ISX: variants seen among roughly 807,000 people sequenced by gnomAD.
The protein encoded by ISX is intestine-specific homeobox.
A neutral mutation model predicts 16.9 loss-of-function variants in ISX; 15 were observed. The observed-to-expected ratio is 0.89, with a 90% CI of 0.59 to 1.36. The LOEUF (loss-of-function observed/expected upper bound fraction) is 1.36. Among genes scored for constraint, ISX ranks in the 40% most tolerant of loss-of-function variants. The pLI is 0.00. For synonymous variants in ISX, 125 were observed against 119.7 expected (o/e 1.04, Z -0.29); for missense variants, 316 against 306.1 (o/e 1.03, Z -0.24).
intron 2 of ISX, among the ~76,000 whole-genome samples, chr22:35,070,653 G>T (rs1163238557): frequency 6.6e-6 from 1 of 152,206 alleles, no homozygotes; most frequent in African/African-American, 2.4e-5. Flanking sequence ...GGGCCAGGCT[G>T]GGGGCTGGGG....
chr22:35,078,584 G>T (rs563397457), intron 2 of ISX, among the ~76,000 whole-genome samples: 1 of 152,326 alleles, frequency 6.6e-6, no homozygotes, highest in South Asian at 2.1e-4. Context: ...ACTCACTCTA[G>T]TGGGGAGTAA....
intron 2 of ISX, 70 bp downstream of exon 2, chr22:35,067,386 A>C (rs750681347): frequency 9.0e-7 from 1 of 1,114,052 alleles, no homozygotes; most frequent in Non-Finnish European, 1.3e-6. Flanking sequence ...GGCAGAGAAA[A>C]AGCTTCTCCG....
At chr22:35,074,576 G>T (rs1928934275) in intron 2 of ISX, among the ~76,000 whole-genome samples, 1 of 152,206 alleles carries the variant, frequency 6.6e-6, no homozygotes, top group African/African-American at 2.4e-5. Flanking sequence ...TGTTTGCAAA[G>T]CCCTGTGGCT....
chr22:35,086,848 C>T lies in ISX; in HGVS notation c.*1155C>T, dbSNP rs1929268117. On this transcript the variant is annotated 3_prime_UTR_variant, in exon 5 of 5. Coordinates refer to ENST00000404699, the MANE Select transcript of ISX (RefSeq NM_001303508.2). ...CTGCACAGATGTCTCTGATTCTTGT[C>T]CTTGCAGGTGGAGGACAGGGCCTGC... The T allele has an allele frequency of 6.6e-6, 1 of 152,232 alleles. No individual in the cohort carries two copies. The highest frequency in any genetic ancestry group is 2.4e-5 in the African/African-American group (1 of 41,450). 9.4% of individuals were successfully genotyped at this position (152,232 alleles called of 1,614,324 possible).
At chr22:35,082,040 C>T (rs1315049484) in intron 2 of ISX, among the ~76,000 whole-genome samples, 1 of 152,204 alleles carries the variant, frequency 6.6e-6, no homozygotes, top group Non-Finnish European at 1.5e-5. Flanking sequence ...CTATGAAGAA[C>T]CAGCTGGTAA....
rs555522044 is a variant in ISX at position 35,086,142 on chromosome 22, A to G, written c.*449A>G. On this transcript the variant is annotated 3_prime_UTR_variant, in exon 5 of 5. Coordinates refer to ENST00000404699, the MANE Select transcript of ISX (RefSeq NM_001303508.2). ...CCAAGGAGAGGTTGTTTGTTCATGC[A>G]TGCATTCATCCGTGACACATGAGTA... The G allele has an allele frequency of 1.2e-5, 3 of 253,064 alleles. No individual in the cohort carries two copies. In the East Asian group the frequency reaches 3.0e-4, roughly 25 times the overall value. 15.7% of individuals were successfully genotyped at this position (253,064 alleles called of 1,614,324 possible).
chr22:35,075,943 A>T (rs909865102), intron 2 of ISX, among the ~76,000 whole-genome samples: 1 of 152,222 alleles, frequency 6.6e-6, no homozygotes, highest in Non-Finnish European at 1.5e-5. Context: ...ACAGATAAAA[A>T]GGTAAAAGAA....
intron 2 of ISX, among the ~76,000 whole-genome samples, chr22:35,073,664 G>T (rs557066976): frequency 1.3e-5 from 2 of 152,176 alleles, no homozygotes; most frequent in African/African-American, 4.8e-5. Context: ...AGAAGCTGTG[G>T]TCGGTCTGTA....
chr22:35,071,057 C>T (rs955229029), intron 2 of ISX, among the ~76,000 whole-genome samples: 17 of 152,222 alleles, frequency 1.1e-4, no homozygotes, highest in African/African-American at 4.1e-4. Context: ...GACCCTGACA[C>T]ATTAGTGTGG....
chr22:35,074,810 C>A (rs1008264841), intron 2 of ISX, among the ~76,000 whole-genome samples: 1 of 152,162 alleles, frequency 6.6e-6, no homozygotes, highest in Non-Finnish European at 1.5e-5. Context: ...TATTCCCCTG[C>A]ATCAACACAG....
chr22:35,085,901 A>G lies in ISX; in HGVS notation c.*208A>G, dbSNP rs1388895324. 1 of 610,822 alleles carries G rather than the reference A, an allele frequency of 1.6e-6. No homozygotes were observed. The highest frequency in any genetic ancestry group is 2.9e-6 in the Non-Finnish European group (1 of 349,754). 37.8% of individuals were successfully genotyped at this position (610,822 alleles called of 1,614,324 possible). On this transcript the variant is annotated 3_prime_UTR_variant, in exon 5 of 5. Coordinates refer to ENST00000404699, the MANE Select transcript of ISX (RefSeq NM_001303508.2). ...AGGACAGCTCTCTTCTCTCCTGGCT[A>G]AAGCTGCTCTCCTGGTTCAGAAGAC... is the stretch of plus-strand genomic sequence containing the variant.
At chr22:35,079,370 G>C (rs11705067) in intron 2 of ISX, among the ~76,000 whole-genome samples, 11,995 of 152,182 alleles carry the variant, frequency 0.079, 508 homozygotes, top group Middle Eastern at 0.14. Flanking sequence ...GACGAATCCT[G>C]TGGAAGTCTT....
chr22:35,078,000 C>T (rs975257250), intron 2 of ISX, among the ~76,000 whole-genome samples: 4 of 152,130 alleles, frequency 2.6e-5, no homozygotes, highest in African/African-American at 9.7e-5. Flanking sequence ...TTCGTTATGA[C>T]CCGTCTTCTG....
chr22:35,082,349 G>C (rs1005591037), intron 2 of ISX, among the ~76,000 whole-genome samples, 169 bp from the exon 3 acceptor site: 1 of 152,220 alleles, frequency 6.6e-6, no homozygotes, highest in Non-Finnish European at 1.5e-5. Flanking sequence ...TCGGTCTAGA[G>C]GCAGAGGATT....
intron 2 of ISX, among the ~76,000 whole-genome samples, chr22:35,070,550 G>A (rs1357428300): frequency 2.0e-5 from 3 of 152,246 alleles, no homozygotes; most frequent in Non-Finnish European, 4.4e-5. Flanking sequence ...AAACCAGTAT[G>A]GACTGCCTGG....
chr22:35,085,870 C>A lies in ISX; in HGVS notation c.*177C>A. 1.5e-6 allele frequency: 1 copy of A among 681,276 alleles called. No individual in the cohort carries two copies. The highest frequency in any genetic ancestry group is 2.5e-6 in the Non-Finnish European group (1 of 402,044). 42.2% of individuals were successfully genotyped at this position (681,276 alleles called of 1,614,324 possible). ...GCACCAGACTCAAAAGCAAACTAAA[C>A]AATAAAGGACAGCTCTCTTCTCTCC... is the stretch of plus-strand genomic sequence containing the variant. On this transcript the variant is annotated 3_prime_UTR_variant, in exon 5 of 5. Coordinates refer to ENST00000404699, the MANE Select transcript of ISX (RefSeq NM_001303508.2).
At chr22:35,077,887 G>A (rs8142223) in intron 2 of ISX, among the ~76,000 whole-genome samples, 63,107 of 151,968 alleles carry the variant, frequency 0.42, 13,965 homozygotes, top group Non-Finnish European at 0.5. Context: ...GGTTACACAA[G>A]TGGAAGCTTT....
intron 2 of ISX, among the ~76,000 whole-genome samples, chr22:35,080,457 T>C (rs1293081550): frequency 2.0e-5 from 3 of 151,686 alleles, no homozygotes; most frequent in Admixed American, 6.6e-5. Flanking sequence ...CACACACACA[T>C]CTTTTGCTCA....
Position 35,086,060 on chromosome 22 carries a change from C to T in ISX, c.*367C>T. On this transcript the variant is annotated 3_prime_UTR_variant, in exon 5 of 5. Coordinates refer to ENST00000404699, the MANE Select transcript of ISX (RefSeq NM_001303508.2). ...GGACCTCATCTGTAAGAGGAGCCAG[C>T]TGGATAAGATGATTTCTGAAGACGC... The T allele has an allele frequency of 3.1e-6, 1 of 323,850 alleles. No individual in the cohort carries two copies. The highest frequency in any genetic ancestry group is 5.9e-6 in the Non-Finnish European group (1 of 169,004). 20.1% of individuals were successfully genotyped at this position (323,850 alleles called of 1,614,324 possible).
Sources: allele counts gnomAD v4.1 joint callset (sites outside exome capture counted in the v4.1 genomes callset), GRCh38; gene constraint gnomAD v4.1.1; transcripts MANE v1.5; gene names NCBI Gene and HGNC (gene_info 2026-07-23, HGNC 2026-07-21).